RNF7: variants seen among roughly 807,000 people sequenced by gnomAD.
RNF7 encodes the protein RING-box protein 2.
RNF7 carries 9 observed loss-of-function variants against 17.0 expected under a neutral mutation model. The ratio of observed to expected loss-of-function variants is 0.53; its 90% CI spans 0.32 to 0.92. RNF7 has a LOEUF of 0.92. Among genes scored for constraint, RNF7 ranks in the 40% least tolerant of loss-of-function variants. RNF7 has a pLI of 0.04. For synonymous variants in RNF7, 59 were observed against 50.5 expected (o/e 1.17, Z -0.72); for missense variants, 87 against 145.8 (o/e 0.60, Z 2.08).
intron 1 of RNF7, among the ~76,000 whole-genome samples, chr3:141,739,954 G>GTC (rs1460837985): frequency 1.3e-5 from 2 of 152,102 alleles, no homozygotes; most frequent in African/African-American, 2.4e-5. Context: ...AGCCCAGGAG[G>GTC]TCGAGGCTAC....
chr3:141,741,422 A>G (rs2084416159), intron 1 of RNF7, among the ~76,000 whole-genome samples: 1 of 152,208 alleles, frequency 6.6e-6, no homozygotes, highest in South Asian at 2.1e-4. Flanking sequence ...TGAAGAGACT[A>G]GGGCAGTGGT....
intron 1 of RNF7, among the ~76,000 whole-genome samples, chr3:141,741,927 G>T (rs9789973): frequency 0.065 from 9,915 of 151,806 alleles, 326 homozygotes; most frequent in South Asian, 0.11. Context: ...TTTATTAAAA[G>T]ACTTTACCAT....
At chr3:141,745,136 A>G (rs768135272) in intron 2 of RNF7, 23 bp from the exon 3 acceptor site, 22 of 1,480,162 alleles carry the variant, frequency 1.5e-5, no homozygotes, top group Non-Finnish European at 5.6e-6. Context: ...TGTAATGTCA[A>G]CTCTTCTTTT....
rs181644531 is a variant in RNF7, at chr3:141,746,944, G to A, written c.*1667G>A. The A allele has an allele frequency of 6.6e-6, 1 of 152,206 alleles. No individual in the cohort carries two copies. The highest frequency in any genetic ancestry group is 2.4e-5 in the African/African-American group (1 of 41,526). 9.4% of individuals were successfully genotyped at this position (152,206 alleles called of 1,614,324 possible). A position where few individuals can be genotyped will look rare whatever the true frequency, so the allele number is the denominator to read the frequency against. On this transcript the variant is annotated 3_prime_UTR_variant, in exon 3 of 3. Coordinates refer to ENST00000273480, the MANE Select transcript of RNF7 (RefSeq NM_014245.5). Reference sequence around the variant, plus strand: ...TATCATTGTGCAGTGAACTGTTTTAGTAACTTTCTGTTTGACCTTTTTAGA... The same window carrying A: ...TATCATTGTGCAGTGAACTGTTTTAATAACTTTCTGTTTGACCTTTTTAGA...
intron 1 of RNF7, among the ~76,000 whole-genome samples, chr3:141,742,477 C>T (rs2107856953): frequency 6.6e-6 from 1 of 152,174 alleles, no homozygotes; most frequent in East Asian, 1.9e-4. Context: ...CCGCCCGCCT[C>T]AGCCTCCCAA....
At chr3:141,740,692 T>G (rs558211706) in intron 1 of RNF7, among the ~76,000 whole-genome samples, 1 of 152,338 alleles carries the variant, frequency 6.6e-6, no homozygotes, top group Non-Finnish European at 1.5e-5. Flanking sequence ...ATTGTACTCC[T>G]TAGAAATGTG....
intron 1 of RNF7, chr3:141,743,079 C>G: frequency 4.9e-6 from 1 of 203,768 alleles, no homozygotes; most frequent in Non-Finnish European, 9.4e-6. Flanking sequence ...ATTATTGGTT[C>G]CTTGGGTATC....
chr3:141,742,900 C>T, intron 1 of RNF7: 1 of 1,090,394 alleles, frequency 9.2e-7, no homozygotes, highest in Non-Finnish European at 1.1e-6. Context: ...AGGAAGGCTT[C>T]TGTGTCAGTA....
intron 1 of RNF7, among the ~76,000 whole-genome samples, chr3:141,739,116 A>G (rs2084388916): frequency 6.6e-6 from 1 of 152,216 alleles, no homozygotes; most frequent in African/African-American, 2.4e-5. Flanking sequence ...ATCTGGATTG[A>G]TTTAAGACGG....
chr3:141,739,493 A>G (rs1406721471), intron 1 of RNF7, among the ~76,000 whole-genome samples: 1 of 152,196 alleles, frequency 6.6e-6, no homozygotes, highest in Non-Finnish European at 1.5e-5. Flanking sequence ...GGGCATTTAA[A>G]ATTACTATGA....
rs891320409 is a variant in RNF7, at chr3:141,742,664, A to G, written c.176-845A>G. 13 of 1,149,924 alleles carry G rather than the reference A, an allele frequency of 1.1e-5. No individual in the cohort carries two copies. In the African/African-American group the frequency reaches 1.8e-4, roughly 15 times the overall value. The allele number at this position is 1,149,924 out of a possible 1,614,324, so 71.2% of individuals were successfully genotyped here. A position where few individuals can be genotyped will look rare whatever the true frequency, so the allele number is the denominator to read the frequency against. ...TACAGATGAGGGAATTGGAGTTCGT[A>G]ATTGGTCCGAGGCCCTGAACCTAAT... On this transcript the variant is annotated intron_variant, in intron 1 of 2. Coordinates refer to ENST00000273480, the MANE Select transcript of RNF7 (RefSeq NM_014245.5).
intron 1 of RNF7, among the ~76,000 whole-genome samples, chr3:141,741,784 T>C (rs2084419936): frequency 6.6e-6 from 1 of 150,768 alleles, no homozygotes; most frequent in Non-Finnish European, 1.5e-5. Context: ...TACTATAAGC[T>C]CACTGGGCAT....
chr3:141,742,468 C>T (rs571984034), intron 1 of RNF7, among the ~76,000 whole-genome samples: 10 of 152,016 alleles, frequency 6.6e-5, no homozygotes, highest in South Asian at 4.2e-4. Context: ...CCTCGTGATC[C>T]GCCCGCCTCA....
intron 1 of RNF7, 128 bp from the exon 2 acceptor site, chr3:141,743,381 A>G (rs2084440853): frequency 3.2e-6 from 2 of 626,042 alleles, no homozygotes; most frequent in Non-Finnish European, 2.8e-6. Context: ...TTATGTTCAG[A>G]TGAGAAATTA....
rs1442428062 is a variant in RNF7, at chr3:141,738,378, C to T, written c.37C>T (p.Leu13=). The T allele has an allele frequency of 1.3e-6, 2 of 1,594,692 alleles. No individual in the cohort carries two copies. Among genetic ancestry groups the T allele is most frequent in the Non-Finnish European group, 1.7e-6 (2 of 1,171,132 alleles). ...DVEDGEETCA[L]ASHSGSSGSK... Reference sequence around the variant, plus strand: ...GGAAGACGGAGAGGAAACCTGCGCCCTGGCCTCTCACTCCGGGAGCTCAGG... The same window carrying T: ...GGAAGACGGAGAGGAAACCTGCGCCTTGGCCTCTCACTCCGGGAGCTCAGG... The change falls in exon 1 of 3, where the codon CTG becomes TTG. Residue 13 remains leucine (L), a synonymous_variant. Coordinates refer to ENST00000273480, the MANE Select transcript of RNF7 (RefSeq NM_014245.5).
chr3:141,742,565 T>G (rs1383487917), intron 1 of RNF7: 3 of 1,108,488 alleles, frequency 2.7e-6, no homozygotes, highest in Non-Finnish European at 2.4e-6. Flanking sequence ...TTTACTTATT[T>G]TATCTGTAAA....
rs1302479433 is a variant in RNF7, at chr3:141,747,268, A to G, written c.*1991A>G. ...CCATCTGAAAGTTTAATACATACTC[A>G]TCAGAGGGAACATGCCGGGACAATT... On this transcript the variant is annotated 3_prime_UTR_variant, in exon 3 of 3. Coordinates refer to ENST00000273480, the MANE Select transcript of RNF7 (RefSeq NM_014245.5). The G allele has an allele frequency of 6.6e-6, 1 of 152,236 alleles. No individual in the cohort carries two copies. The highest frequency in any genetic ancestry group is 1.5e-5 in the Non-Finnish European group (1 of 68,042). 9.4% of individuals were successfully genotyped at this position (152,236 alleles called of 1,614,324 possible). A position where few individuals can be genotyped will look rare whatever the true frequency, so the allele number is the denominator to read the frequency against.
chr3:141,739,394 C>T (rs1176589198), intron 1 of RNF7, among the ~76,000 whole-genome samples: 2 of 152,140 alleles, frequency 1.3e-5, no homozygotes, highest in Non-Finnish European at 2.9e-5. Context: ...TTCAGAACAG[C>T]TTAATCTTGT....
chr3:141,738,584 G>C lies in RNF7; in HGVS notation c.175+68G>C, dbSNP rs1402703321. On this transcript the variant is annotated intron_variant, in intron 1 of 2. Transcript: ENST00000273480. ...GGAGCCGACCTCGGGGTTGGGAAGG[G>C]ACGGGCGTCCGTCAGAAGCCTCGGA... is the stretch of plus-strand genomic sequence containing the variant. 42 of 1,479,618 alleles carry C rather than the reference G, an allele frequency of 2.8e-5. No individual in the cohort carries two copies. The East Asian group carries it at 1.0e-3, about 35-fold the overall frequency. The allele number at this position is 1,479,618 out of a possible 1,614,324, so 91.7% of individuals were successfully genotyped here. A position where few individuals can be genotyped will look rare whatever the true frequency, so the allele number is the denominator to read the frequency against.
Sources: gnomAD v4.1 joint callset for allele counts (sites outside exome capture counted in the v4.1 genomes callset) on GRCh38, gnomAD v4.1.1 for gene constraint, MANE v1.5 for transcripts, NCBI Gene and HGNC (gene_info 2026-07-23, HGNC 2026-07-21) for gene names.